The following ASXL3 variants were observed in gnomAD, a reference collection of about 807,000 sequenced individuals.
ASXL3 encodes ASXL transcriptional regulator 3, also known as putative Polycomb group protein ASXL3.
Under a neutral mutation model 170.6 loss-of-function variants are expected in ASXL3, and 34 were observed. That is an observed-to-expected ratio of 0.20 (90% CI 0.15 to 0.27). ASXL3 has a LOEUF of 0.27. ASXL3 is among the 10% of genes least tolerant of loss of function. The pLI, the probability that ASXL3 is intolerant of heterozygous loss-of-function variation, is 1.00. For missense variants in ASXL3, 2,592 were observed against 2,695.3 expected, an observed-to-expected ratio of 0.96 and a Z score of 0.85; for synonymous variants, 1,002 against 989.1, an observed-to-expected ratio of 1.01 and a Z score of -0.24.
chr18:33,617,866 A>C (rs1007193535), intron 2 of ASXL3, among the ~76,000 whole-genome samples: 1 of 152,174 alleles, frequency 6.6e-6, no homozygotes, highest in African/African-American at 2.4e-5. Context: ...CAAGTATCCT[A>C]TGCAGGTGAA....
At chr18:33,693,262 G>T (rs1228836566) in intron 8 of ASXL3, among the ~76,000 whole-genome samples, 1 of 152,094 alleles carries the variant, frequency 6.6e-6, no homozygotes, top group Non-Finnish European at 1.5e-5. Context: ...AGTTTTTAAA[G>T]CTAGGGTAGA....
chr18:33,721,804 T>A (rs913633739), intron 8 of ASXL3, among the ~76,000 whole-genome samples: 11 of 152,226 alleles, frequency 7.2e-5, no homozygotes, highest in Middle Eastern at 3.4e-3. Context: ...CTGTTTTTTT[T>A]ATAAATTGAA....
At chr18:33,721,089 A>G (rs2067250026) in intron 8 of ASXL3, among the ~76,000 whole-genome samples, 1 of 152,078 alleles carries the variant, frequency 6.6e-6, no homozygotes, top group African/African-American at 2.4e-5. Flanking sequence ...CTTAGCAGCA[A>G]TTATAATGAA....
chr18:33,581,403 CAAATT>C (rs2064990927), intron 1 of ASXL3, among the ~76,000 whole-genome samples: 3 of 151,728 alleles, frequency 2.0e-5, no homozygotes, highest in Admixed American at 6.6e-5. Flanking sequence ...AGAGAGTACT[CAAATT>C]AACGTTAAGA....
chr18:33,628,472 A>G (rs1233957523), intron 2 of ASXL3, among the ~76,000 whole-genome samples: 1 of 152,170 alleles, frequency 6.6e-6, no homozygotes, highest in Non-Finnish European at 1.5e-5. Flanking sequence ...TTAGTTTGAA[A>G]AGCCAAGTGA....
chr18:33,650,846 CA>C (rs2065986366), intron 4 of ASXL3, among the ~76,000 whole-genome samples: 1 of 152,110 alleles, frequency 6.6e-6, no homozygotes, highest in Non-Finnish European at 1.5e-5. Context: ...CATCTTATTG[CA>C]AACCACAATT....
At chr18:33,636,376 A>G (rs2065766694) in intron 2 of ASXL3, among the ~76,000 whole-genome samples, 1 of 151,808 alleles carries the variant, frequency 6.6e-6, no homozygotes, top group Admixed American at 6.6e-5. Flanking sequence ...CAACAGCCAC[A>G]GCCACAGTGA....
intron 7 of ASXL3, among the ~76,000 whole-genome samples, chr18:33,677,896 A>C (rs759720610): frequency 6.6e-6 from 1 of 152,024 alleles, no homozygotes; most frequent in East Asian, 1.9e-4. Context: ...CATTTAATTT[A>C]ATTTCATTTT....
At chr18:33,691,600 A>T (rs1224089080) in intron 8 of ASXL3, among the ~76,000 whole-genome samples, 1 of 152,220 alleles carries the variant, frequency 6.6e-6, no homozygotes, top group Non-Finnish European at 1.5e-5. Context: ...TGTAACTGCT[A>T]ATAAGTTACA....
intron 7 of ASXL3, among the ~76,000 whole-genome samples, chr18:33,672,425 C>T (rs997867526): frequency 2.6e-5 from 4 of 152,278 alleles, no homozygotes; most frequent in African/African-American, 9.6e-5. Context: ...TTTTCTTCAA[C>T]ATACTTCTTT....
At position 33,694,541 on chromosome 18, in the gene ASXL3, C is replaced by T. The variant is rs770943945; in HGVS notation, c.879+10973C>T. ...CTCTATTTGGTGCTATCAGGGCTAA[C>T]GGGGCTATCTTTGCAAATATTTATA... On this transcript the variant is annotated intron_variant, in intron 8 of 11. Transcript: ENST00000269197. Among the ~76,000 whole-genome samples the T allele has an allele frequency of 8.6e-5, 13 of 152,012 alleles. No individual in the cohort carries two copies. The East Asian group carries it at 1.6e-3, about 18-fold the overall frequency.
intron 11 of ASXL3, 124 bp from the exon 12 acceptor site, chr18:33,742,764 T>G (rs2067685910): frequency 7.4e-7 from 1 of 1,342,718 alleles, no homozygotes. Context: ...GGGATTTAGG[T>G]GTAGTTCATG....
chr18:33,637,419 C>T (rs1384442366), intron 2 of ASXL3, among the ~76,000 whole-genome samples: 1 of 152,002 alleles, frequency 6.6e-6, no homozygotes, highest in Non-Finnish European at 1.5e-5. Flanking sequence ...ACATACATTT[C>T]TCAAACACAT....
chr18:33,636,060 C>T (rs1405930276), intron 2 of ASXL3, among the ~76,000 whole-genome samples: 2 of 152,164 alleles, frequency 1.3e-5, no homozygotes, highest in African/African-American at 4.8e-5. Flanking sequence ...TGCAAAGTAT[C>T]GTGATTGTTC....
rs552259959 is a variant in ASXL3 at position 33,658,882 on chromosome 18, G to A, written c.356-2734G>A. On this transcript the variant is annotated intron_variant, in intron 4 of 11. Transcript: ENST00000269197. ...AGAACAAACTGCATGGTATTCCTTA[G>A]TGCAGTTTCAACTGTTGTCCTGCCC... Among the ~76,000 whole-genome samples the A allele has an allele frequency of 6.6e-5, 10 of 152,176 alleles. No homozygotes were observed. The East Asian group carries it at 1.9e-3, about 29-fold the overall frequency.
Position 33,691,772 on chromosome 18 carries a change from G to T in ASXL3, c.879+8204G>T, listed in dbSNP as rs554956113. Among the ~76,000 whole-genome samples the T allele has an allele frequency of 3.3e-5, 5 of 152,232 alleles. No homozygotes were observed. The South Asian group carries it at 1.0e-3, about 32-fold the overall frequency. ...GATTTAGAGAAGGCTTGAAAGGGGAGGTGTCATTTGGGCCGGGTCCGGAAA... is the reference window on the plus strand; with the variant it reads ...GATTTAGAGAAGGCTTGAAAGGGGATGTGTCATTTGGGCCGGGTCCGGAAA... On this transcript the variant is annotated intron_variant, in intron 8 of 11. Transcript: ENST00000269197.
At chr18:33,676,730 T>C (rs901357107) in intron 7 of ASXL3, among the ~76,000 whole-genome samples, 4 of 152,192 alleles carry the variant, frequency 2.6e-5, no homozygotes, top group African/African-American at 9.6e-5. Flanking sequence ...AAATGCGGTT[T>C]GAAGCATGTG....
intron 4 of ASXL3, among the ~76,000 whole-genome samples, chr18:33,655,268 T>C (rs925553808): frequency 4.6e-5 from 7 of 152,062 alleles, no homozygotes; most frequent in Non-Finnish European, 8.8e-5. Flanking sequence ...AAATCTCTTC[T>C]GAATAAGAAG....
chr18:33,676,052 G>A (rs557632637), intron 7 of ASXL3, among the ~76,000 whole-genome samples: 34 of 151,370 alleles, frequency 2.2e-4, no homozygotes, highest in Admixed American at 3.3e-4. Flanking sequence ...GTGAAACCCC[G>A]TCTCTACTAA....
Sources: allele counts gnomAD v4.1 joint callset (sites outside exome capture counted in the v4.1 genomes callset), GRCh38; gene constraint gnomAD v4.1.1; transcripts MANE v1.5; gene names NCBI Gene and HGNC (gene_info 2026-07-23, HGNC 2026-07-21).